Variants in TRMT61A observed in about 807,000 individuals in gnomAD.
The protein encoded by TRMT61A is tRNA (adenine(58)-N(1))-methyltransferase catalytic subunit TRMT61A.
Under a neutral mutation model 21.3 loss-of-function variants are expected in TRMT61A, and 15 were observed. That is an observed-to-expected ratio of 0.70 (90% confidence interval 0.47 to 1.08). TRMT61A has a LOEUF of 1.08. Among genes scored for constraint, TRMT61A ranks in the 50% least tolerant of loss-of-function variants. TRMT61A has a pLI of 0.00. For missense variants in TRMT61A, 352 were observed against 426.7 expected (o/e 0.83, Z 1.54); for synonymous variants, 183 against 185.5 (o/e 0.99, Z 0.11).
Position 103,535,154 on chromosome 14 carries a change from A to C in TRMT61A, c.*333A>C. On this transcript the variant is annotated 3_prime_UTR_variant, in exon 4 of 4. Transcript: ENST00000389749. ...TCTGACCCCCTCCCAGGTGGGCCTA[A>C]GCAGGAAGGGGGTGGAGGAGGGAGG... is the stretch of plus-strand genomic sequence containing the variant. 2 of 577,326 alleles carry C rather than the reference A, an allele frequency of 3.5e-6. No homozygotes were observed. Among genetic ancestry groups the C allele is most frequent in the Non-Finnish European group, 6.6e-6 (2 of 304,114 alleles). 35.8% of individuals were successfully genotyped at this position (577,326 alleles called of 1,614,324 possible).
chr14:103,533,690 G>A (rs1259006375), intron 3 of TRMT61A, among the ~76,000 whole-genome samples: 2 of 152,224 alleles, frequency 1.3e-5, no homozygotes, highest in Non-Finnish European at 2.9e-5. Context: ...ACCCGCGCCT[G>A]CCTCTGGGAC....
rs767125912 is a variant in TRMT61A, at chr14:103,535,033, C to T, written c.*212C>T. The T allele has an allele frequency of 1.4e-6, 1 of 724,378 alleles. No individual in the cohort carries two copies. The highest frequency in any genetic ancestry group is 2.5e-6 in the Non-Finnish European group (1 of 405,904). The allele number at this position is 724,378 out of a possible 1,614,324, so 44.9% of individuals were successfully genotyped here. A position where few individuals can be genotyped will look rare whatever the true frequency, so the allele number is the denominator to read the frequency against. ...GGGCCTCAGCCATTCCTGTCCAGCC[C>T]TGTGGCCCATCCCAGCTGCTGTTTG... On this transcript the variant is annotated 3_prime_UTR_variant, in exon 4 of 4. Coordinates refer to ENST00000389749, the MANE Select transcript of TRMT61A (RefSeq NM_152307.3).
rs2075968074 is a variant in TRMT61A at position 103,534,894 on chromosome 14, A to G, written c.*73A>G. ...GGCAGGGAGGCCAGAGGCACCTTAT[A>G]TGGTCAGCGATGCCTGCCAGACACA... is the stretch of plus-strand genomic sequence containing the variant. On this transcript the variant is annotated 3_prime_UTR_variant, in exon 4 of 4. Transcript: ENST00000389749. 3.3e-6 allele frequency: 5 copies of G among 1,510,592 alleles called. No homozygotes were observed. Among genetic ancestry groups the G allele is most frequent in the Middle Eastern group, 1.7e-4 (1 of 5,920 alleles). The allele number at this position is 1,510,592 out of a possible 1,614,324, so 93.6% of individuals were successfully genotyped here. A position where few individuals can be genotyped will look rare whatever the true frequency, so the allele number is the denominator to read the frequency against.
chr14:103,532,897 AG>A (rs2075959759), intron 3 of TRMT61A, 49 bp downstream of exon 3: 1 of 1,506,324 alleles, frequency 6.6e-7, no homozygotes, highest in Non-Finnish European at 8.9e-7. Flanking sequence ...GGGTGGGGCA[AG>A]GGTGCAGGAC....
intron 3 of TRMT61A, among the ~76,000 whole-genome samples, chr14:103,534,061 G>C (rs1336994040): frequency 6.6e-6 from 1 of 152,242 alleles, no homozygotes; most frequent in African/African-American, 2.4e-5. Context: ...CTGCCCTGGT[G>C]GGAGGCGGCA....
In TRMT61A at chr14:103,531,211, C is replaced by G. The variant is rs771223795; in HGVS notation, c.331+902C>G. On this transcript the variant is annotated intron_variant, in intron 2 of 3. Coordinates refer to ENST00000389749, the MANE Select transcript of TRMT61A (RefSeq NM_152307.3). The surrounding 1 kb of genome is among the most constrained non-coding windows in gnomAD (Gnocchi z 5.1). ...ACTAGAGAGACCAGGTTCCTGCCCT[C>G]GAGGAGGGGGACACAGCCTAGGTGA... is the stretch of plus-strand genomic sequence containing the variant. Among the ~76,000 whole-genome samples the G allele has an allele frequency of 6.6e-6, 1 of 152,154 alleles. No homozygotes were observed.
chr14:103,534,499 G>A (rs750898648), intron 3 of TRMT61A, 51 bp from the exon 4 acceptor site: 2 of 1,520,724 alleles, frequency 1.3e-6, no homozygotes, highest in Admixed American at 2.1e-5. Context: ...GGCCAGACGG[G>A]CCAGGCTCTG....
intron 3 of TRMT61A, 140 bp downstream of exon 3, chr14:103,532,988 G>A: frequency 8.3e-7 from 1 of 1,206,588 alleles, no homozygotes; most frequent in Non-Finnish European, 1.1e-6. Context: ...ACTTTGGCCT[G>A]AGGTGAGGAG....
Position 103,529,257 on chromosome 14 carries a change from C to T in TRMT61A, c.-34C>T, listed in dbSNP as rs1382273585. ...TGTGGAGCCCCGGCAGCAGGAGCGTCGCAGGTGAGACTCCGCGGGGTACAG... is the reference window on the plus strand; with the variant it reads ...TGTGGAGCCCCGGCAGCAGGAGCGTTGCAGGTGAGACTCCGCGGGGTACAG... On this transcript the variant is annotated 5_prime_UTR_variant, in exon 1 of 4. Transcript: ENST00000389749. 2 of 322,052 alleles carry T rather than the reference C, an allele frequency of 6.2e-6. No individual in the cohort carries two copies. Among genetic ancestry groups the T allele is most frequent in the Admixed American group, 4.1e-5 (1 of 24,442 alleles). 19.9% of individuals were successfully genotyped at this position (322,052 alleles called of 1,614,324 possible).
chr14:103,532,327 G>C (rs2075957213), intron 2 of TRMT61A, among the ~76,000 whole-genome samples: 1 of 152,178 alleles, frequency 6.6e-6, no homozygotes, highest in Non-Finnish European at 1.5e-5. Context: ...GGCCTCGCCT[G>C]TGCCCACAAC....
chr14:103,530,186 C>T lies in TRMT61A; in HGVS notation c.208C>T (p.His70Tyr), dbSNP rs749220064. ...CGRGGWVYVL[H>Y]PTPELWTLNL... ...CCGAGGTGGCTGGGTGTATGTGCTG[C>T]ACCCCACGCCCGAGCTCTGGACGCT... Residue 70 changes from histidine (H) to tyrosine (Y), a missense_variant, in exon 2 of 4, where the codon CAC becomes TAC. Transcript: ENST00000389749. The T allele has an allele frequency of 5.6e-6, 9 of 1,612,550 alleles. No homozygotes were observed. In the South Asian group the frequency reaches 9.9e-5, roughly 18 times the overall value.
chr14:103,532,454 A>G, intron 2 of TRMT61A, 128 bp from the exon 3 acceptor site: 1 of 1,169,250 alleles, frequency 8.6e-7, no homozygotes, highest in Admixed American at 1.9e-5. Context: ...AATGACGCCC[A>G]CCTGTAGCTT....
Position 103,534,636 on chromosome 14 carries a change from A to T in TRMT61A, c.685A>T (p.Ser229Cys), listed in dbSNP as rs1341439003. 1.9e-6 allele frequency: 3 copies of T among 1,610,556 alleles called. No homozygotes were observed. The Admixed American group carries it at 5.0e-5, about 27-fold the overall frequency. ...GGCAGCGCGCGGCTTCTCAGAGCTG[A>T]GCACCCTGGAGGTGCTGCCACAGGT... The part of the protein sequence containing the change: ...ALAARGFSEL[S>C]TLEVLPQVYN... The change falls in exon 4 of 4, where the codon AGC (serine) becomes TGC (cysteine). Residue 229 changes from serine to cysteine, a missense_variant. Physicochemically the swap from Ser to Cys is moderately radical, Grantham distance 112. Transcript: ENST00000389749.
intron 3 of TRMT61A, among the ~76,000 whole-genome samples, chr14:103,533,133 C>T (rs1202268380): frequency 3.9e-5 from 6 of 152,214 alleles, no homozygotes; most frequent in Non-Finnish European, 4.4e-5. Flanking sequence ...CAGGCCCGGC[C>T]GGAGGAGTCT....
At chr14:103,530,543 C>G (rs967559887) in intron 2 of TRMT61A, among the ~76,000 whole-genome samples, 2 of 152,210 alleles carry the variant, frequency 1.3e-5, no homozygotes, top group Non-Finnish European at 2.9e-5. Flanking sequence ...CTGGGGAGGA[C>G]TGGTGCTCTA....
intron 2 of TRMT61A, 77 bp from the exon 3 acceptor site, chr14:103,532,505 G>T: frequency 1.3e-6 from 2 of 1,572,828 alleles, no homozygotes; most frequent in Non-Finnish European, 1.7e-6. Flanking sequence ...AGGGTGAGGT[G>T]GGGGTTGTTT....
Position 103,529,229 on chromosome 14 carries a change from A to T in TRMT61A, c.-62A>T. On this transcript the variant is annotated 5_prime_UTR_variant, in exon 1 of 4. Transcript: ENST00000389749. ...CGCCGCCGCCGCGCGTCGCGGAGGC[A>T]CGTGTGGAGCCCCGGCAGCAGGAGC... 1 of 313,030 alleles carries T rather than the reference A, an allele frequency of 3.2e-6. No homozygotes were observed. The highest frequency in any genetic ancestry group is 2.2e-5 in the South Asian group (1 of 45,978). 19.4% of individuals were successfully genotyped at this position (313,030 alleles called of 1,614,324 possible).
intron 1 of TRMT61A, 33 bp downstream of exon 1, chr14:103,529,294 G>A (rs1188392112): frequency 8.0e-6 from 2 of 249,490 alleles, no homozygotes; most frequent in Non-Finnish European, 1.7e-5. Context: ...GTGGCAGGGC[G>A]CGGGTGAGGG....
chr14:103,530,350 C>T (rs770144476), intron 2 of TRMT61A, 41 bp downstream of exon 2: 1 of 1,533,836 alleles, frequency 6.5e-7, no homozygotes, highest in Admixed American at 1.8e-5. Context: ...CAGAAATTGA[C>T]ACAAAGGTGG....
Sources: allele counts gnomAD v4.1 joint callset (sites outside exome capture counted in the v4.1 genomes callset), GRCh38; gene constraint gnomAD v4.1.1; non-coding constraint Gnocchi (gnomAD v3.1); transcripts MANE v1.5; gene names NCBI Gene and HGNC (gene_info 2026-07-23, HGNC 2026-07-21).